The following SYNDIG1 variants were observed in gnomAD, a reference collection of about 807,000 sequenced individuals.
SYNDIG1 encodes synapse differentiation inducing 1.
SYNDIG1 carries 9 observed loss-of-function variants against 19.4 expected under a neutral mutation model. That is an observed-to-expected ratio of 0.46 (90% CI 0.28 to 0.81). SYNDIG1 has a LOEUF of 0.81. Among genes scored for constraint, SYNDIG1 ranks in the 30% least tolerant of loss-of-function variants. SYNDIG1 has a pLI of 0.12. For missense variants in SYNDIG1, 311 were observed against 343.3 expected (o/e 0.91, Z 0.74); for synonymous variants, 141 against 145.9 (o/e 0.97, Z 0.24).
intron 3 of SYNDIG1, among the ~76,000 whole-genome samples, chr20:24,657,832 A>T (rs1431707282): frequency 6.9e-6 from 1 of 144,786 alleles, no homozygotes; most frequent in East Asian, 2.3e-4. Flanking sequence ...TAATGGAAAT[A>T]ACCTTTACAA....
chr20:24,618,614 T>C (rs1265094110), intron 3 of SYNDIG1, among the ~76,000 whole-genome samples: 1 of 152,206 alleles, frequency 6.6e-6, no homozygotes, highest in African/African-American at 2.4e-5. Flanking sequence ...TATATTTTCC[T>C]CTCATCTTTT....
chr20:24,485,184 A>T lies in SYNDIG1; in HGVS notation c.-79+15431A>T, dbSNP rs2055921847. Among the ~76,000 whole-genome samples the T allele has an allele frequency of 2.0e-5, 3 of 152,172 alleles. No homozygotes were observed. The South Asian group carries it at 6.2e-4, about 31-fold the overall frequency. On this transcript the variant is annotated intron_variant, in intron 1 of 3. Coordinates refer to ENST00000376862, the MANE Select transcript of SYNDIG1 (RefSeq NM_024893.3). ...AATAAACCTCTTTCCTTTATAAATT[A>T]CCCAGTCTCAGGTATTCTGTTATAG...
intron 1 of SYNDIG1, among the ~76,000 whole-genome samples, chr20:24,497,701 C>G (rs2056337799): frequency 6.6e-6 from 1 of 152,136 alleles, no homozygotes; most frequent in Non-Finnish European, 1.5e-5. Context: ...TAAATGGATA[C>G]AAGGGCTTCT....
chr20:24,655,873 G>A (rs996872529), intron 3 of SYNDIG1, among the ~76,000 whole-genome samples: 21 of 151,992 alleles, frequency 1.4e-4, no homozygotes, highest in South Asian at 4.1e-4. Flanking sequence ...GAGAATGGAC[G>A]AATAGACTGC....
chr20:24,554,413 C>T (rs553728264), intron 2 of SYNDIG1, among the ~76,000 whole-genome samples: 1 of 152,282 alleles, frequency 6.6e-6, no homozygotes, highest in East Asian at 1.9e-4. Context: ...CCAGTTTTTG[C>T]CCATTCAGTA....
chr20:24,661,488 G>C (rs932850551), intron 3 of SYNDIG1, among the ~76,000 whole-genome samples: 1 of 8,632 alleles, frequency 1.2e-4, no homozygotes, highest in Non-Finnish European at 2.3e-4. Context: ...GAGGGAGGAA[G>C]AAGGGAGGGA....
At chr20:24,572,334 G>C (rs1278744530) in intron 2 of SYNDIG1, among the ~76,000 whole-genome samples, 1 of 152,222 alleles carries the variant, frequency 6.6e-6, no homozygotes, top group Admixed American at 6.5e-5. Context: ...TGGCCAGGGG[G>C]CCAGCCAGGA....
chr20:24,543,285 A>G lies in SYNDIG1; in HGVS notation c.188A>G (p.Asp63Gly). 1 of 1,613,618 alleles carries G rather than the reference A, an allele frequency of 6.2e-7. No homozygotes were observed. The highest frequency in any genetic ancestry group is 8.5e-7 in the Non-Finnish European group (1 of 1,180,016). Residue 63 changes from aspartate (D) to glycine (G), a missense_variant, in exon 2 of 4, where the codon GAC becomes GGC. Coordinates refer to ENST00000376862, the MANE Select transcript of SYNDIG1 (RefSeq NM_024893.3). ...GCCAGCACAGTGCCGGCCAGCCTGG[A>G]CAGCAGCAGGAGTGAGCCGATGCAG... is the stretch of plus-strand genomic sequence containing the variant. ...VGASTVPASL[D>G]SSRSEPMQQL...
intron 1 of SYNDIG1, among the ~76,000 whole-genome samples, chr20:24,514,989 C>A (rs1240581695): frequency 2.6e-5 from 4 of 152,220 alleles, no homozygotes; most frequent in Non-Finnish European, 5.9e-5. Flanking sequence ...AACAGCTCAA[C>A]TACATGGAAA....
chr20:24,549,775 AG>A (rs1470677167), intron 2 of SYNDIG1, among the ~76,000 whole-genome samples: 1 of 152,172 alleles, frequency 6.6e-6, no homozygotes, highest in Non-Finnish European at 1.5e-5. Context: ...ATGAATGTGA[AG>A]TTTTTTTGAG....
At position 24,582,985 on chromosome 20, in the gene SYNDIG1, A is replaced by C. The variant is rs528089577; in HGVS notation, c.481-1871A>C. Among the ~76,000 whole-genome samples the C allele has an allele frequency of 9.8e-5, 15 of 152,294 alleles. No homozygotes were observed. The South Asian group carries it at 3.1e-3, about 32-fold the overall frequency. Reference sequence around the variant, plus strand: ...CAGGCTTGTTGGGGGGCGAGTAAACAGTGAGCCCAAGTTCCACGAGAGGCC... The same window carrying C: ...CAGGCTTGTTGGGGGGCGAGTAAACCGTGAGCCCAAGTTCCACGAGAGGCC... On this transcript the variant is annotated intron_variant, in intron 2 of 3. Coordinates refer to ENST00000376862, the MANE Select transcript of SYNDIG1 (RefSeq NM_024893.3).
chr20:24,596,693 T>G (rs551867303), intron 3 of SYNDIG1: 3 of 152,256 alleles, frequency 2.0e-5, no homozygotes, highest in Non-Finnish European at 4.4e-5. Context: ...AACCTTTTCT[T>G]ACACTCCTGA....
chr20:24,491,436 T>G (rs1331839562), intron 1 of SYNDIG1: 1 of 152,290 alleles, frequency 6.6e-6, no homozygotes, highest in African/African-American at 2.4e-5. Flanking sequence ...GAGCCTCAGA[T>G]GCTATTGCCT....
intron 3 of SYNDIG1, among the ~76,000 whole-genome samples, chr20:24,597,723 A>T (rs2058618751): frequency 6.6e-6 from 1 of 152,166 alleles, no homozygotes; most frequent in Non-Finnish European, 1.5e-5. Context: ...CACGGGGGAA[A>T]TGGAAAGGAG....
intron 1 of SYNDIG1, among the ~76,000 whole-genome samples, chr20:24,490,702 G>C (rs1404564745): frequency 6.6e-6 from 1 of 152,216 alleles, no homozygotes; most frequent in Non-Finnish European, 1.5e-5. Flanking sequence ...GCTGTGGCTA[G>C]GACTCCTTAT....
At chr20:24,489,516 C>G (rs766655816) in intron 1 of SYNDIG1, among the ~76,000 whole-genome samples, 4 of 151,694 alleles carry the variant, frequency 2.6e-5, no homozygotes, top group Non-Finnish European at 5.9e-5. Flanking sequence ...CAGATACATG[C>G]ACACACACGT....
In SYNDIG1 at chr20:24,547,298, A is replaced by G. The variant is rs545678929; in HGVS notation, c.480+3721A>G. Reference sequence around the variant, plus strand: ...TGAAGGAGCCTCTCCAGGTCCGAAGAGGTCGGCCTGTCTGACATATGTTTG... The same window carrying G: ...TGAAGGAGCCTCTCCAGGTCCGAAGGGGTCGGCCTGTCTGACATATGTTTG... On this transcript the variant is annotated intron_variant, in intron 2 of 3. Coordinates refer to ENST00000376862, the MANE Select transcript of SYNDIG1 (RefSeq NM_024893.3). 2.4e-3 allele frequency among the ~76,000 whole-genome samples: 360 copies of G among 152,376 alleles called. 1 individual carries two copies. Among genetic ancestry groups the G allele is most frequent in the African/African-American group, 8.4e-3 (349 of 41,594 alleles).
At chr20:24,551,047 C>G (rs899064607) in intron 2 of SYNDIG1, among the ~76,000 whole-genome samples, 23 of 152,076 alleles carry the variant, frequency 1.5e-4, no homozygotes, top group Admixed American at 1.4e-3. Context: ...AATTATTTCT[C>G]TCTTTATTTT....
At chr20:24,489,787 C>A (rs999127898) in intron 1 of SYNDIG1, among the ~76,000 whole-genome samples, 1 of 152,236 alleles carries the variant, frequency 6.6e-6, no homozygotes, top group African/African-American at 2.4e-5. Context: ...GGGCCTCCAG[C>A]CAAAGGACAG....
Sources: gnomAD v4.1 joint callset for allele counts (sites outside exome capture counted in the v4.1 genomes callset) on GRCh38, gnomAD v4.1.1 for gene constraint, MANE v1.5 for transcripts, NCBI Gene and HGNC (gene_info 2026-07-23, HGNC 2026-07-21) for gene names.